The following CAAP1 variants were observed in gnomAD, a reference collection of about 807,000 sequenced individuals.
The protein encoded by CAAP1 is caspase activity and apoptosis inhibitor 1, also known as conserved anti-apoptotic protein.
A neutral mutation model predicts 34.0 loss-of-function variants in CAAP1; 20 were observed. That is an observed-to-expected ratio of 0.59 (90% CI 0.41 to 0.86). The LOEUF (loss-of-function observed/expected upper bound fraction) is 0.86. CAAP1 is among the 40% of genes least tolerant of loss of function. CAAP1 has a pLI of 0.00. For synonymous variants in CAAP1, 213 were observed against 166.7 expected, an observed-to-expected ratio of 1.28 and a Z score of -2.14; for missense variants, 538 against 450.5, an observed-to-expected ratio of 1.19 and a Z score of -1.76.
chr9:26,859,098 C>T (rs561133831), intron 5 of CAAP1, among the ~76,000 whole-genome samples: 1 of 151,980 alleles, frequency 6.6e-6, no homozygotes, highest in South Asian at 2.1e-4. Context: ...TACTGCTACA[C>T]TTTGATCTTA....
At chr9:26,859,479 T>C (rs1365385683) in intron 5 of CAAP1, among the ~76,000 whole-genome samples, 1 of 152,190 alleles carries the variant, frequency 6.6e-6, no homozygotes, top group Non-Finnish European at 1.5e-5. Flanking sequence ...TTCTTATCCT[T>C]TATAGAACAT....
At chr9:26,892,133 G>T in intron 1 of CAAP1, 2 of 730,364 alleles carry the variant, frequency 2.7e-6, no homozygotes, top group Non-Finnish European at 2.1e-6. Context: ...GTATTCTTCC[G>T]GCAGAGTGAA....
intron 5 of CAAP1, among the ~76,000 whole-genome samples, chr9:26,846,014 G>A (rs971661656): frequency 6.6e-6 from 1 of 152,104 alleles, no homozygotes; most frequent in Non-Finnish European, 1.5e-5. Flanking sequence ...TGAAAAGGAG[G>A]GAAAGGAGGA....
At chr9:26,850,916 C>T (rs1343844348) in intron 5 of CAAP1, among the ~76,000 whole-genome samples, 1 of 152,174 alleles carries the variant, frequency 6.6e-6, no homozygotes, top group Admixed American at 6.5e-5. Context: ...TAAAGAAAAC[C>T]TGTCTAGTAT....
chr9:26,869,151 T>C (rs1366836333), intron 4 of CAAP1, among the ~76,000 whole-genome samples: 1 of 152,088 alleles, frequency 6.6e-6, no homozygotes. Flanking sequence ...TACACTATTG[T>C]TTCTACTTTT....
chr9:26,861,087 C>G lies in CAAP1; in HGVS notation c.718G>C (p.Glu240Gln). Residue 240 changes from glutamate (E) to glutamine (Q), a missense_variant, in exon 5 of 6, where the codon GAA becomes CAA. Transcript: ENST00000333916. ...ATACCTTGTTTTAATTCCAAACCTT[C>G]AGGTTGCTTATTCTCTCTCACGGAT... ...ASSVRENKQP[E>Q]GLELKQGKGE... 1.2e-6 allele frequency: 2 copies of G among 1,611,308 alleles called. No individual in the cohort carries two copies. Among genetic ancestry groups the G allele is most frequent in the Non-Finnish European group, 1.7e-6 (2 of 1,177,770 alleles).
intron 4 of CAAP1, among the ~76,000 whole-genome samples, chr9:26,877,890 A>G (rs1438248708): frequency 6.7e-6 from 1 of 150,090 alleles, no homozygotes; most frequent in African/African-American, 2.4e-5. Context: ...TTCCTATATT[A>G]TTAAATTATT....
At chr9:26,869,162 C>T (rs1259863279) in intron 4 of CAAP1, among the ~76,000 whole-genome samples, 3 of 151,634 alleles carry the variant, frequency 2.0e-5, no homozygotes, top group African/African-American at 7.3e-5. Context: ...TTCTACTTTT[C>T]TATATGCTTG....
chr9:26,857,807 T>TA (rs1379078358), intron 5 of CAAP1, among the ~76,000 whole-genome samples: 1 of 152,210 alleles, frequency 6.6e-6, no homozygotes, highest in Non-Finnish European at 1.5e-5. Flanking sequence ...TAAAATCTGA[T>TA]ACTCATCTTC....
intron 1 of CAAP1, among the ~76,000 whole-genome samples, chr9:26,890,224 A>C (rs1823865849): frequency 6.6e-6 from 1 of 152,008 alleles, no homozygotes; most frequent in South Asian, 2.1e-4. Context: ...TACAAAAATT[A>C]GCTGGCCATG....
chr9:26,874,528 TC>T (rs1823374403), intron 4 of CAAP1, among the ~76,000 whole-genome samples: 1 of 152,148 alleles, frequency 6.6e-6, no homozygotes, highest in Admixed American at 6.6e-5. Flanking sequence ...ACCCAAACGC[TC>T]CCTGTACCCA....
At chr9:26,877,513 T>A (rs537998457) in intron 4 of CAAP1, among the ~76,000 whole-genome samples, 1 of 152,328 alleles carries the variant, frequency 6.6e-6, no homozygotes, top group East Asian at 1.9e-4. Context: ...TTCCTGCCTA[T>A]CTGCATCCTT....
At chr9:26,862,631 G>C (rs1460657154) in intron 4 of CAAP1, among the ~76,000 whole-genome samples, 2 of 152,104 alleles carry the variant, frequency 1.3e-5, no homozygotes, top group African/African-American at 4.8e-5. Flanking sequence ...TACAAAGGCT[G>C]TGGATCTACT....
intron 5 of CAAP1, among the ~76,000 whole-genome samples, chr9:26,852,206 C>G (rs1157211424): frequency 6.6e-6 from 1 of 151,894 alleles, no homozygotes; most frequent in Non-Finnish European, 1.5e-5. Flanking sequence ...TGTAATCCAG[C>G]ACTTTGGGAG....
chr9:26,861,304 A>C (rs1822998671), intron 4 of CAAP1, among the ~76,000 whole-genome samples, 165 bp from the exon 5 acceptor site: 1 of 152,200 alleles, frequency 6.6e-6, no homozygotes, highest in African/African-American at 2.4e-5. Context: ...ACAAGTATTC[A>C]AGTGTCAGAA....
chr9:26,880,891 G>A (rs768045089), intron 4 of CAAP1, among the ~76,000 whole-genome samples: 2 of 152,058 alleles, frequency 1.3e-5, no homozygotes, highest in African/African-American at 4.8e-5. Context: ...GGCCACGCTG[G>A]TCTCAAACTC....
intron 4 of CAAP1, among the ~76,000 whole-genome samples, chr9:26,862,841 G>A (rs1478872107): frequency 3.9e-5 from 6 of 152,026 alleles, no homozygotes; most frequent in African/African-American, 1.5e-4. Context: ...ACATAATAGA[G>A]TATCTCTATC....
chr9:26,870,138 G>A (rs1823239745), intron 4 of CAAP1, among the ~76,000 whole-genome samples: 1 of 149,666 alleles, frequency 6.7e-6, no homozygotes, highest in African/African-American at 2.5e-5. Flanking sequence ...CCGTTGCCAA[G>A]CATAACACCT....
intron 4 of CAAP1, among the ~76,000 whole-genome samples, chr9:26,863,210 C>T (rs1324950472): frequency 6.6e-6 from 1 of 152,094 alleles, no homozygotes; most frequent in Admixed American, 6.5e-5. Context: ...CTACAACATT[C>T]TATTTTAAGT....
Sources: gnomAD v4.1 joint callset for allele counts (sites outside exome capture counted in the v4.1 genomes callset) on GRCh38, gnomAD v4.1.1 for gene constraint, MANE v1.5 for transcripts, NCBI Gene and HGNC (gene_info 2026-07-23, HGNC 2026-07-21) for gene names.